The following P2RX5 variants were observed in gnomAD, a reference collection of about 807,000 sequenced individuals.
P2RX5 encodes the protein P2X purinoceptor 5.
Under a neutral mutation model 54.1 loss-of-function variants are expected in P2RX5, and 46 were observed. That is an observed-to-expected ratio of 0.85 (90% CI 0.67 to 1.09). The LOEUF is 1.09. Among genes scored for constraint, P2RX5 ranks in the 50% least tolerant of loss-of-function variants. The pLI is 0.00. For missense variants in P2RX5, 566 were observed against 549.8 expected (o/e 1.03, Z -0.29); for synonymous variants, 226 against 226.4 (o/e 1.00, Z 0.02).
chr17:3,688,806 C>T (rs377224927), intron 7 of P2RX5, 47 bp from the exon 8 acceptor site: 167 of 1,608,056 alleles, frequency 1.0e-4, no homozygotes, highest in Non-Finnish European at 1.3e-4. Flanking sequence ...TTTCCGGAGA[C>T]GGACAGCATC....
intron 11 of P2RX5, chr17:3,676,005 G>A: frequency 1.0e-6 from 1 of 985,372 alleles, no homozygotes; most frequent in African/African-American, 1.7e-5. Flanking sequence ...AGCCTCAGTG[G>A]AGGGATGCTC....
chr17:3,696,562 C>A (rs1163223868), upstream of P2RX5, among the ~76,000 whole-genome samples: 1 of 152,178 alleles, frequency 6.6e-6, no homozygotes, highest in Admixed American at 6.5e-5. Flanking sequence ...TCAAGCGATT[C>A]TCCTGCCTCA....
chr17:3,711,757 C>T, the P2RX5 span, among the ~76,000 whole-genome samples: 96 of 152,188 alleles, frequency 6.3e-4, 2 homozygotes, highest in South Asian at 0.015. Context: ...TGCAGTGGCA[C>T]GATCTCGTCT....
At chr17:3,706,689 G>A in the P2RX5 span, among the ~76,000 whole-genome samples, 4 of 152,048 alleles carry the variant, frequency 2.6e-5, no homozygotes, top group African/African-American at 4.8e-5. Flanking sequence ...TCGGCTCACC[G>A]CAATCTCTGC....
At chr17:3,716,912 T>TCAAA in the P2RX5 span, 1 of 639,346 alleles carries the variant, frequency 1.6e-6, no homozygotes, top group Non-Finnish European at 2.8e-6. Flanking sequence ...CGTGTATTGA[T>TCAAA]CAAAGCTGAT....
the P2RX5 span, among the ~76,000 whole-genome samples, chr17:3,723,025 T>C: frequency 6.6e-6 from 1 of 152,158 alleles, no homozygotes; most frequent in African/African-American, 2.4e-5. Context: ...GGCCCTGAAA[T>C]GGCAGGGCTT....
chr17:3,695,836 C>T (rs937682015), intron 1 of P2RX5, 33 bp downstream of exon 1: 6 of 1,610,376 alleles, frequency 3.7e-6, no homozygotes, highest in Non-Finnish European at 2.5e-6. Flanking sequence ...CCTGCCCCTC[C>T]CCCGCCTTCC....
chr17:3,704,591 G>A, the P2RX5 span, among the ~76,000 whole-genome samples: 6 of 152,350 alleles, frequency 3.9e-5, no homozygotes, highest in South Asian at 2.1e-4. Context: ...GTGACCCACC[G>A]TAATTGATGG....
the P2RX5 span, among the ~76,000 whole-genome samples, chr17:3,707,364 C>T: frequency 6.6e-6 from 1 of 152,204 alleles, no homozygotes; most frequent in Non-Finnish European, 1.5e-5. Flanking sequence ...CCTAGAGGTA[C>T]TGGTGTCCTT....
intron 1 of P2RX5, 72 bp from the exon 2 acceptor site, chr17:3,691,866 G>A: frequency 1.3e-6 from 2 of 1,525,012 alleles, no homozygotes; most frequent in Non-Finnish European, 1.8e-6. Context: ...AGGCCTTGGG[G>A]TGGGGTAGCA....
At chr17:3,684,885 G>T (rs1176485682) in intron 9 of P2RX5, among the ~76,000 whole-genome samples, 2 of 109,334 alleles carry the variant, frequency 1.8e-5, no homozygotes, top group African/African-American at 3.7e-5. Context: ...TGCTCTTGTT[G>T]TCCAGGCTGG....
rs546659453 is a variant in P2RX5 at position 3,673,533 on chromosome 17, C to G, written c.*335G>C. ...AATCTAGGAACTCTACAGGGCACTG[C>G]GGTCCTTAGCTGAGGTGCTCAAGGA... On this transcript the variant is annotated 3_prime_UTR_variant, in exon 12 of 12. Coordinates refer to ENST00000225328, the MANE Select transcript of P2RX5 (RefSeq NM_002561.4). 7.7e-7 allele frequency: 1 copy of G among 1,291,924 alleles called. No individual in the cohort carries two copies. The allele number at this position is 1,291,924 out of a possible 1,614,324, so 80.0% of individuals were successfully genotyped here. A position where few individuals can be genotyped will look rare whatever the true frequency, so the allele number is the denominator to read the frequency against.
At chr17:3,715,636 C>T in the P2RX5 span, among the ~76,000 whole-genome samples, 11 of 152,220 alleles carry the variant, frequency 7.2e-5, no homozygotes, top group African/African-American at 9.6e-5. Context: ...GAAGATGGCT[C>T]GAGCCCCGGA....
At chr17:3,679,865 A>C (rs1237761874) in intron 10 of P2RX5, 81 bp from the exon 11 acceptor site, 2 of 1,257,512 alleles carry the variant, frequency 1.6e-6, no homozygotes, top group East Asian at 4.8e-5. Flanking sequence ...GGCCTTGAAG[A>C]ATCCCTCGCC....
chr17:3,681,406 G>T (rs894527680), intron 10 of P2RX5, among the ~76,000 whole-genome samples: 3 of 151,696 alleles, frequency 2.0e-5, no homozygotes, highest in Admixed American at 6.6e-5. Context: ...GCTGTGCTCT[G>T]CCGCTGTGAA....
the P2RX5 span, chr17:3,722,250 G>C: frequency 2.6e-5 from 4 of 152,190 alleles, 1 homozygote; most frequent in African/African-American, 9.7e-5. Context: ...GGGAGGCTGA[G>C]GCGGGCGATC....
rs995103070 is a variant in P2RX5, at chr17:3,688,520, G to A, written c.887+106C>T. On this transcript the variant is annotated intron_variant, in intron 8 of 11. Transcript: ENST00000225328. The stretch of plus-strand genomic sequence containing the variant: ...TGGGCCATCTGTCCCTGCACCTCCC[G>A]CTCTGACACCCACCCCCAGGAAGGG... 27 of 1,264,728 alleles carry A rather than the reference G, an allele frequency of 2.1e-5. 1 individual carries two copies. The highest frequency in any genetic ancestry group is 2.9e-5 in the African/African-American group (2 of 67,986). The allele number at this position is 1,264,728 out of a possible 1,614,324, so 78.3% of individuals were successfully genotyped here.
the P2RX5 span, chr17:3,714,838 T>C: frequency 7.7e-6 from 12 of 1,548,732 alleles, no homozygotes; most frequent in African/African-American, 8.2e-5. Flanking sequence ...TCCCAGTGGA[T>C]AGCAGGTCCT....
chr17:3,695,406 T>C (rs531811960), intron 1 of P2RX5, among the ~76,000 whole-genome samples: 2 of 152,140 alleles, frequency 1.3e-5, no homozygotes, highest in Non-Finnish European at 2.9e-5. Context: ...GCCGGGCTGA[T>C]GAGTTTCTCC....
Sources: gnomAD v4.1 joint callset for allele counts (sites outside exome capture counted in the v4.1 genomes callset) on GRCh38, gnomAD v4.1.1 for gene constraint, MANE v1.5 for transcripts, NCBI Gene and HGNC (gene_info 2026-07-23, HGNC 2026-07-21) for gene names.